Variants in SPATA1 observed in about 807,000 individuals in gnomAD.
The protein encoded by SPATA1 is spermatogenesis associated 1.
A neutral mutation model predicts 59.6 loss-of-function variants in SPATA1; 57 were observed. The observed-to-expected ratio is 0.96, with a 90% CI of 0.77 to 1.19. The LOEUF is 1.19. Among genes scored for constraint, SPATA1 ranks in the 50% most tolerant of loss-of-function variants. The pLI, the probability that SPATA1 is intolerant of heterozygous loss-of-function variation, is 0.00. For missense variants in SPATA1, 448 were observed against 480.7 expected (o/e 0.93, Z 0.64); for synonymous variants, 147 against 163.9 (o/e 0.90, Z 0.79).
chr1:84,531,990 A>G (rs1287141791), intron 6 of SPATA1, among the ~76,000 whole-genome samples: 1 of 152,244 alleles, frequency 6.6e-6, no homozygotes, highest in Non-Finnish European at 1.5e-5. Context: ...TTTTGTTTAT[A>G]TAGACCATGT....
chr1:84,525,104 G>A (rs1683163278), intron 4 of SPATA1, among the ~76,000 whole-genome samples: 1 of 152,098 alleles, frequency 6.6e-6, no homozygotes, highest in Admixed American at 6.5e-5. Context: ...AGCCTCCCGA[G>A]TAGCTGGGGG....
intron 10 of SPATA1, 112 bp from the exon 11 acceptor site, chr1:84,548,674 T>A: frequency 1.6e-6 from 2 of 1,242,444 alleles, no homozygotes; most frequent in Non-Finnish European, 2.1e-6. Flanking sequence ...AGGAAAATGG[T>A]TTAAATTGAC....
chr1:84,551,902 T>C (rs1391365748), intron 12 of SPATA1: 1 of 152,174 alleles, frequency 6.6e-6, no homozygotes, highest in African/African-American at 2.4e-5. Flanking sequence ...CATGCTGTTT[T>C]CTTCTGGAAA....
intron 8 of SPATA1, among the ~76,000 whole-genome samples, chr1:84,542,895 G>C (rs908143051): frequency 6.6e-6 from 1 of 152,060 alleles, no homozygotes; most frequent in African/African-American, 2.4e-5. Context: ...AAGACCCCCT[G>C]TGGATGCCTG....
rs537032019 is a variant in SPATA1, at chr1:84,544,322, G to C, written c.820+18G>C. On this transcript the variant is annotated intron_variant, in intron 9 of 12. Transcript: ENST00000490879. The stretch of plus-strand genomic sequence containing the variant: ...AACTGAAAGTAAGTATAGTGCAATC[G>C]TAAGTACAGATGATTCTGTGAGGTA... 1 of 1,510,348 alleles carries C rather than the reference G, an allele frequency of 6.6e-7. No homozygotes were observed. The highest frequency in any genetic ancestry group is 9.0e-7 in the Non-Finnish European group (1 of 1,107,394). The allele number at this position is 1,510,348 out of a possible 1,614,324, so 93.6% of individuals were successfully genotyped here.
intron 12 of SPATA1, chr1:84,552,978 A>C: frequency 8.8e-7 from 1 of 1,135,658 alleles, no homozygotes; most frequent in East Asian, 2.7e-5. Context: ...GACAACTATG[A>C]TGTACTTTTA....
At chr1:84,549,681 G>C (rs1684212262) in intron 11 of SPATA1, 1 of 151,902 alleles carries the variant, frequency 6.6e-6, no homozygotes, top group Non-Finnish European at 1.5e-5. Context: ...AAATTCAAGA[G>C]GGCATTTAAC....
chr1:84,508,516 C>T (rs1166729081), intron 1 of SPATA1, among the ~76,000 whole-genome samples: 1 of 152,172 alleles, frequency 6.6e-6, no homozygotes, highest in Non-Finnish European at 1.5e-5. Flanking sequence ...ATTCTTTTAG[C>T]AATAAATGCC....
intron 1 of SPATA1, among the ~76,000 whole-genome samples, chr1:84,513,636 G>T (rs528680162): frequency 6.6e-6 from 1 of 152,180 alleles, no homozygotes; most frequent in Non-Finnish European, 1.5e-5. Flanking sequence ...CCAGCCCCAA[G>T]AATTCTTGAT....
chr1:84,520,711 G>A lies in SPATA1; in HGVS notation c.143+20G>A, dbSNP rs1374732567. 1 of 1,401,324 alleles carries A rather than the reference G, an allele frequency of 7.1e-7. No homozygotes were observed. The highest frequency in any genetic ancestry group is 1.3e-5 in the South Asian group (1 of 75,300). 86.8% of individuals were successfully genotyped at this position (1,401,324 alleles called of 1,614,324 possible). A position where few individuals can be genotyped will look rare whatever the true frequency, so the allele number is the denominator to read the frequency against. On this transcript the variant is annotated intron_variant, in intron 3 of 12. Transcript: ENST00000490879. ...TCTAAGGCAAGTGTTGTGTAGTCAT[G>A]TAACAATATGCCTGAAAGAAGAATC...
exon 12 of SPATA1, chr1:84,550,441 A>G (rs778287169): frequency 8.5e-6 from 13 of 1,535,582 alleles, no homozygotes; most frequent in Admixed American, 1.9e-5. Flanking sequence ...GAATTACCTA[A>G]TAATCCAGAT....
chr1:84,542,620 C>G (rs1043446720), intron 8 of SPATA1, among the ~76,000 whole-genome samples: 11 of 152,112 alleles, frequency 7.2e-5, no homozygotes, highest in Admixed American at 7.2e-4. Context: ...ATCTGACTCT[C>G]TGCTCAGATG....
intron 8 of SPATA1, among the ~76,000 whole-genome samples, chr1:84,542,758 T>C (rs1683954593): frequency 1.3e-5 from 2 of 152,172 alleles, no homozygotes; most frequent in African/African-American, 4.8e-5. Context: ...TATGGTAGTT[T>C]GGAAGATTTG....
chr1:84,514,381 T>G (rs1054880825), intron 1 of SPATA1, among the ~76,000 whole-genome samples: 5 of 152,236 alleles, frequency 3.3e-5, no homozygotes, highest in African/African-American at 1.2e-4. Context: ...TGAGTATTCC[T>G]TATCCAAAAG....
At chr1:84,506,855 T>A (rs930094564) in intron 1 of SPATA1, 9 of 152,240 alleles carry the variant, frequency 5.9e-5, no homozygotes, top group Non-Finnish European at 2.9e-5. Flanking sequence ...GCTTCTTAGC[T>A]CTTGAATCGG....
intron 8 of SPATA1, among the ~76,000 whole-genome samples, chr1:84,539,516 G>C (rs1259388088): frequency 1.3e-5 from 2 of 152,148 alleles, no homozygotes; most frequent in East Asian, 3.8e-4. Context: ...CACTCTGGTG[G>C]ATGCTCAATG....
At chr1:84,511,901 C>CA (rs1682581316) in intron 1 of SPATA1, among the ~76,000 whole-genome samples, 1 of 152,028 alleles carries the variant, frequency 6.6e-6, no homozygotes, top group African/African-American at 2.4e-5. Flanking sequence ...AGGCTGGTCT[C>CA]AAACTCCCGA....
chr1:84,555,300 A>G, downstream of SPATA1: 1 of 863,554 alleles, frequency 1.2e-6, no homozygotes, highest in Non-Finnish European at 1.7e-6. Context: ...GTAAGAGGGA[A>G]AAAAGTTTCC....
At chr1:84,557,855 C>T (rs1208516782), downstream of SPATA1, among the ~76,000 whole-genome samples, 1 of 134,346 alleles carries the variant, frequency 7.4e-6, no homozygotes, top group Non-Finnish European at 1.6e-5. Flanking sequence ...GAGACTCCAT[C>T]TCAAAAAAAA....
Sources: allele counts gnomAD v4.1 joint callset (sites outside exome capture counted in the v4.1 genomes callset), GRCh38; gene constraint gnomAD v4.1.1; transcripts MANE v1.5; gene names NCBI Gene and HGNC (gene_info 2026-07-23, HGNC 2026-07-21).